Variants in LYZL4 observed in about 807,000 individuals in gnomAD.
LYZL4 encodes the protein lysozyme like 4, also known as lysozyme-like protein 4.
In LYZL4, 13 loss-of-function variants were observed where a neutral mutation model predicts 17.6. That is an observed-to-expected ratio of 0.74 (90% CI 0.48 to 1.18). The LOEUF is 1.18. LYZL4 is among the 50% of genes most tolerant of loss of function. The probability of loss-of-function intolerance (pLI) is 0.00; values close to 1 mark genes in which losing one functional copy is unlikely to be tolerated. For synonymous variants in LYZL4, 64 were observed against 67.7 expected, an observed-to-expected ratio of 0.95 and a Z score of 0.27; for missense variants, 174 against 188.2, an observed-to-expected ratio of 0.92 and a Z score of 0.44.
downstream of LYZL4, among the ~76,000 whole-genome samples, chr3:42,394,595 AGTT>A (rs1402243343): frequency 2.6e-5 from 4 of 152,088 alleles, no homozygotes; most frequent in African/African-American, 9.7e-5. Context: ...TAATAATAGG[AGTT>A]GTTGTTATTG....
At chr3:42,366,051 G>A in the LYZL4 span, among the ~76,000 whole-genome samples, 1 of 152,068 alleles carries the variant, frequency 6.6e-6, no homozygotes, top group Non-Finnish European at 1.5e-5. Flanking sequence ...TCCAGGCACT[G>A]GGGTTAGGGA....
chr3:42,375,593 A>G, the LYZL4 span, among the ~76,000 whole-genome samples: 1 of 152,210 alleles, frequency 6.6e-6, no homozygotes, highest in African/African-American at 2.4e-5. Flanking sequence ...TGAAGTACCC[A>G]GAGAGAGGGA....
intron 3 of LYZL4, among the ~76,000 whole-genome samples, chr3:42,404,398 A>T (rs576866352): frequency 1.2e-4 from 18 of 152,194 alleles, no homozygotes; most frequent in Non-Finnish European, 2.1e-4. Context: ...GATGCCCAGG[A>T]TCATGATCTG....
chr3:42,384,341 T>A, the LYZL4 span, among the ~76,000 whole-genome samples: 2 of 151,972 alleles, frequency 1.3e-5, no homozygotes, highest in Non-Finnish European at 2.9e-5. Context: ...AACAAGGGTA[T>A]AAACCAAGAA....
the LYZL4 span, among the ~76,000 whole-genome samples, chr3:42,368,546 T>C: frequency 6.6e-6 from 1 of 152,236 alleles, no homozygotes; most frequent in African/African-American, 2.4e-5. Context: ...TACTTATGCA[T>C]GTATTTAAGT....
At chr3:42,404,616 A>G (rs957846742) in intron 3 of LYZL4, among the ~76,000 whole-genome samples, 2 of 152,192 alleles carry the variant, frequency 1.3e-5, no homozygotes, top group Non-Finnish European at 2.9e-5. Context: ...ACAGACAGAA[A>G]ATTGTATGTG....
At position 42,407,270 on chromosome 3, in the gene LYZL4, A is replaced by G; in HGVS notation, c.-19T>C. The G allele has an allele frequency of 1.2e-6, 2 of 1,613,586 alleles. No homozygotes were observed. Among genetic ancestry groups the G allele is most frequent in the Non-Finnish European group, 1.7e-6 (2 of 1,179,816 alleles). ...CCTTCATCTTCTCCAGGCTCCTGGCAGGTCAGGGCAACGGTGGCCAGATGA... is the reference window on the plus strand; with the variant it reads ...CCTTCATCTTCTCCAGGCTCCTGGCGGGTCAGGGCAACGGTGGCCAGATGA... On this transcript the variant is annotated 5_prime_UTR_variant, in exon 2 of 5. Coordinates refer to ENST00000287748, the MANE Select transcript of LYZL4 (RefSeq NM_144634.4).
the LYZL4 span, among the ~76,000 whole-genome samples, chr3:42,386,983 T>C: frequency 6.6e-6 from 1 of 152,188 alleles, no homozygotes; most frequent in Non-Finnish European, 1.5e-5. Context: ...AATGAAAAGA[T>C]TTTTTTAAAT....
chr3:42,363,265 G>A, the LYZL4 span, among the ~76,000 whole-genome samples: 1 of 152,110 alleles, frequency 6.6e-6, no homozygotes, highest in African/African-American at 2.4e-5. Flanking sequence ...CATTTTTGGG[G>A]AACAGTTGGG....
downstream of LYZL4, among the ~76,000 whole-genome samples, chr3:42,395,511 G>A (rs762504781): frequency 6.6e-5 from 10 of 152,286 alleles, no homozygotes; most frequent in Non-Finnish European, 1.3e-4. Context: ...GCACACACAC[G>A]AAAGCAGGGA....
At chr3:42,394,033 T>A (rs888543347), downstream of LYZL4, among the ~76,000 whole-genome samples, 10 of 152,168 alleles carry the variant, frequency 6.6e-5, no homozygotes, top group Non-Finnish European at 1.3e-4. Context: ...CCCCAGGTGA[T>A]CCGCTCACCT....
At chr3:42,375,054 G>T in the LYZL4 span, among the ~76,000 whole-genome samples, 1 of 151,896 alleles carries the variant, frequency 6.6e-6, no homozygotes, top group South Asian at 2.1e-4. Flanking sequence ...CAAGCAATTC[G>T]CCCACCTCAG....
chr3:42,389,870 T>C, the LYZL4 span, among the ~76,000 whole-genome samples: 1 of 152,244 alleles, frequency 6.6e-6, no homozygotes, highest in South Asian at 2.1e-4. Context: ...ACCTATGGCT[T>C]CATGGGGAGT....
chr3:42,386,253 C>T, the LYZL4 span, among the ~76,000 whole-genome samples: 3 of 152,158 alleles, frequency 2.0e-5, no homozygotes, highest in African/African-American at 7.2e-5. Flanking sequence ...CAGGCACCTG[C>T]CACCACGCCT....
downstream of LYZL4, among the ~76,000 whole-genome samples, chr3:42,392,354 A>G (rs1698491669): frequency 6.6e-6 from 1 of 152,192 alleles, no homozygotes; most frequent in African/African-American, 2.4e-5. Context: ...TGAACTAGGA[A>G]GCAGCAGCAG....
chr3:42,394,637 T>C (rs552130431), downstream of LYZL4, among the ~76,000 whole-genome samples: 3 of 152,342 alleles, frequency 2.0e-5, no homozygotes, highest in African/African-American at 7.2e-5. Context: ...TGGATCATTC[T>C]GTAAACCAGA....
At chr3:42,408,322 A>G (rs33519) in intron 1 of LYZL4, among the ~76,000 whole-genome samples, 96,322 of 151,996 alleles carry the variant, frequency 0.63, 31,444 homozygotes, top group African/African-American at 0.79. Context: ...AAGTAAACTC[A>G]GAATTCTCAT....
chr3:42,408,159 C>T (rs978169709), intron 1 of LYZL4, among the ~76,000 whole-genome samples: 7 of 152,192 alleles, frequency 4.6e-5, no homozygotes, highest in African/African-American at 1.7e-4. Flanking sequence ...TGTTTTCTAC[C>T]ATGACTGAGG....
downstream of LYZL4, among the ~76,000 whole-genome samples, chr3:42,393,406 C>T (rs1226310196): frequency 1.3e-5 from 2 of 151,994 alleles, no homozygotes; most frequent in African/African-American, 4.8e-5. Flanking sequence ...AGCGTTTTTA[C>T]TCATAAAGTC....
Sources: allele counts gnomAD v4.1 joint callset (sites outside exome capture counted in the v4.1 genomes callset), GRCh38; gene constraint gnomAD v4.1.1; transcripts MANE v1.5; gene names NCBI Gene and HGNC (gene_info 2026-07-23, HGNC 2026-07-21).